The following CPS1 variants were observed in gnomAD, a reference collection of about 807,000 sequenced individuals.
CPS1 encodes the protein carbamoyl-phosphate synthase [ammonia], mitochondrial.
CPS1 carries 109 observed loss-of-function variants against 174.6 expected under a neutral mutation model. The observed-to-expected ratio is 0.62, with a 90% CI of 0.53 to 0.73. The LOEUF (loss-of-function observed/expected upper bound fraction) is 0.73. Among genes scored for constraint, CPS1 ranks in the 30% least tolerant of loss-of-function variants. The pLI, the probability that CPS1 is intolerant of heterozygous loss-of-function variation, is 0.00. For missense variants in CPS1, 1,689 were observed against 1,821.9 expected, an observed-to-expected ratio of 0.93 and a Z score of 1.33; for synonymous variants, 637 against 632.0, an observed-to-expected ratio of 1.01 and a Z score of -0.12.
intron 1 of CPS1, among the ~76,000 whole-genome samples, chr2:210,483,278 G>T (rs559009065): frequency 2.0e-4 from 30 of 152,246 alleles, no homozygotes; most frequent in Admixed American, 6.5e-4. Context: ...AGAAGGGGAG[G>T]TTAATCCACA....
At chr2:210,494,550 AT>A (rs1161884731) in intron 1 of CPS1, among the ~76,000 whole-genome samples, 1 of 152,206 alleles carries the variant, frequency 6.6e-6, no homozygotes, top group Non-Finnish European at 1.5e-5. Flanking sequence ...TATTGTCAAG[AT>A]TTGTGTGGGA....
intron 37 of CPS1, among the ~76,000 whole-genome samples, chr2:210,677,367 C>T (rs57703706): frequency 6.6e-6 from 1 of 152,336 alleles, no homozygotes; most frequent in African/African-American, 2.4e-5. Context: ...GGCCATGGCT[C>T]TCTCCTTACA....
At chr2:210,638,354 A>C (rs1425378198) in intron 22 of CPS1, among the ~76,000 whole-genome samples, 1 of 152,120 alleles carries the variant, frequency 6.6e-6, no homozygotes. Flanking sequence ...AGTATTCATG[A>C]CAATCACGCA....
intron 5 of CPS1, among the ~76,000 whole-genome samples, chr2:210,581,906 A>G (rs1435610497): frequency 6.6e-6 from 1 of 152,184 alleles, no homozygotes; most frequent in East Asian, 1.9e-4. Context: ...TAGAATCTTG[A>G]TTACTAAATA....
chr2:210,665,528 A>G (rs570957327), intron 33 of CPS1, among the ~76,000 whole-genome samples: 11 of 132,566 alleles, frequency 8.3e-5, no homozygotes, highest in Admixed American at 4.6e-4. Context: ...TCCTGTGTCC[A>G]TGTGTTCCCA....
intron 1 of CPS1, among the ~76,000 whole-genome samples, chr2:210,486,249 A>G (rs915283240): frequency 5.9e-5 from 9 of 151,650 alleles, no homozygotes; most frequent in Non-Finnish European, 7.4e-5. Context: ...TTATTTACTT[A>G]ATATTATTCA....
intron 6 of CPS1, among the ~76,000 whole-genome samples, chr2:210,583,904 TA>T (rs1291437012): frequency 6.6e-6 from 1 of 152,044 alleles, no homozygotes; most frequent in African/African-American, 2.4e-5. Flanking sequence ...AACTGAGCAG[TA>T]GTAGCAAGAA....
intron 28 of CPS1, 83 bp downstream of exon 28, chr2:210,650,521 T>G: frequency 9.9e-7 from 1 of 1,013,912 alleles, no homozygotes; most frequent in Non-Finnish European, 1.6e-6. Context: ...TGTAGTGACA[T>G]TTATCTCTTA....
chr2:210,655,867 A>C (rs1017998179), intron 29 of CPS1, among the ~76,000 whole-genome samples: 1 of 152,216 alleles, frequency 6.6e-6, no homozygotes, highest in African/African-American at 2.4e-5. Context: ...TTTCCCAAGG[A>C]CACACATATT....
intron 1 of CPS1, among the ~76,000 whole-genome samples, chr2:210,540,794 CTG>C (rs1696377060): frequency 6.6e-6 from 1 of 152,110 alleles, no homozygotes; most frequent in Non-Finnish European, 1.5e-5. Flanking sequence ...AGAAATATGT[CTG>C]TGTTTATAAT....
intron 10 of CPS1, 92 bp downstream of exon 10, chr2:210,592,061 G>T: frequency 7.3e-7 from 1 of 1,363,790 alleles, no homozygotes. Context: ...ATATTTATGA[G>T]ATACATGTGA....
chr2:210,648,727 G>T (rs1203527094), intron 27 of CPS1, among the ~76,000 whole-genome samples, 187 bp downstream of exon 27: 1 of 152,174 alleles, frequency 6.6e-6, no homozygotes, highest in Non-Finnish European at 1.5e-5. Context: ...TCCCTTCAGG[G>T]AGTGGCCATA....
chr2:210,655,244 ATGGAAG>A (rs1444724027), intron 29 of CPS1, among the ~76,000 whole-genome samples: 21 of 152,188 alleles, frequency 1.4e-4, no homozygotes, highest in Admixed American at 2.0e-4. Context: ...ATACCTATAT[ATGGAAG>A]TGGAGAATGT....
Position 210,481,123 on chromosome 2 carries a change from G to A in CPS1, c.3+3357G>A, listed in dbSNP as rs192604156. ...AGAGCTGCTATTATATGGAACACAGGTGTGCTGGGGTTTCCTTGGGAGATT... is the reference window on the plus strand; with the variant it reads ...AGAGCTGCTATTATATGGAACACAGATGTGCTGGGGTTTCCTTGGGAGATT... On this transcript the variant is annotated intron_variant, in intron 1 of 38. Transcript: ENST00000430249. Among the ~76,000 whole-genome samples, 5 of 152,244 alleles carry A rather than the reference G, an allele frequency of 3.3e-5. No homozygotes were observed. The East Asian group carries it at 9.6e-4, about 29-fold the overall frequency.
Position 210,656,503 on chromosome 2 carries a change from CTTTTTTTT to C in CPS1, c.3559-14_3559-7del. On this transcript the variant is annotated splice_polypyrimidine_tract_variant and intron_variant, in intron 29 of 37. Coordinates refer to ENST00000233072, the MANE Select transcript of CPS1 (RefSeq NM_001875.5). ...GTACCTGAAAACTTTTTCTAAAATC[CTTTTTTTT>C]TTTTTTTGGCCAGGTTATCTCTCAT... 1 of 1,253,852 alleles carries C rather than the reference CTTTTTTTT, an allele frequency of 8.0e-7. No individual in the cohort carries two copies. The highest frequency in any genetic ancestry group is 1.1e-6 in the Non-Finnish European group (1 of 893,556). The allele number at this position is 1,253,852 out of a possible 1,614,324, so 77.7% of individuals were successfully genotyped here.
chr2:210,501,715 C>G (rs1186635794), intron 1 of CPS1, among the ~76,000 whole-genome samples: 1 of 152,178 alleles, frequency 6.6e-6, no homozygotes, highest in Non-Finnish European at 1.5e-5. Flanking sequence ...GCATTTTAGT[C>G]AAAACCATTA....
chr2:210,672,672 A>G (rs1302260124), intron 34 of CPS1: 7 of 152,142 alleles, frequency 4.6e-5, no homozygotes, highest in East Asian at 1.9e-4. Flanking sequence ...ACGTCTAACC[A>G]TGAGCTTCTT....
Position 210,656,651 on chromosome 2 carries a change from A to C in CPS1, c.3666+19A>C. ...TGAAAAGGTCATCATTTATAAATAAAAGTGGAAGGGAAAAGGCAACACTCA... is the reference window on the plus strand; with the variant it reads ...TGAAAAGGTCATCATTTATAAATAACAGTGGAAGGGAAAAGGCAACACTCA... On this transcript the variant is annotated intron_variant, in intron 30 of 37. Transcript: ENST00000233072. 6.3e-7 allele frequency: 1 copy of C among 1,586,168 alleles called. No individual in the cohort carries two copies. The highest frequency in any genetic ancestry group is 8.7e-7 in the Non-Finnish European group (1 of 1,154,648).
At position 210,660,646 on chromosome 2, in the gene CPS1, T is replaced by C. The variant is rs1479249183; in HGVS notation, c.3918T>C (p.Val1306=). The C allele has an allele frequency of 1.9e-6, 3 of 1,613,948 alleles. No individual in the cohort carries two copies. In the African/African-American group the frequency reaches 4.0e-5, roughly 22 times the overall value. ...ATCCCATAATTCCTGCTGACTATGT[T>C]GCAATTAAGGTAACATTTTCAAAAA... ...LDHPIIPADY[V]AIKAPMFSWP... is the part of the protein sequence containing the mutation. Residue 1306 remains valine, a synonymous_variant, in exon 32 of 38, where the codon GTT becomes GTC. Coordinates refer to ENST00000233072, the MANE Select transcript of CPS1 (RefSeq NM_001875.5).
Sources: allele counts gnomAD v4.1 joint callset (sites outside exome capture counted in the v4.1 genomes callset), GRCh38; gene constraint gnomAD v4.1.1; transcripts MANE v1.5; gene names NCBI Gene and HGNC (gene_info 2026-07-23, HGNC 2026-07-21).